Variants in CHLSN observed in about 807,000 individuals in gnomAD.
CHLSN encodes the protein cholesin, also known as protein cholesin.
the CHLSN span, among the ~76,000 whole-genome samples, chr7:1,053,156 T>TGGG: frequency 2.2e-4 from 33 of 152,278 alleles, 1 homozygote; most frequent in East Asian, 4.5e-3. Context: ...AGGAAGTCTC[T>TGGG]GGGCACAGAG....
chr7:1,082,046 CCACA>C, the CHLSN span: 27 of 152,418 alleles, frequency 1.8e-4, no homozygotes, highest in African/African-American at 6.3e-4. Context: ...GCACGCACTC[CCACA>C]CAAAGCGCCT....
the CHLSN span, chr7:1,028,301 G>C: frequency 1.1e-5 from 12 of 1,053,750 alleles, no homozygotes; most frequent in South Asian, 2.6e-4. Context: ...ACGGCGCCGG[G>C]GCAGGGATGC....
At chr7:1,038,225 C>A in the CHLSN span, among the ~76,000 whole-genome samples, 1 of 91,398 alleles carries the variant, frequency 1.1e-5, no homozygotes, top group Non-Finnish European at 2.5e-5. Flanking sequence ...GCCCCCCCGA[C>A]CGGCCAGCCG....
At chr7:983,204 A>C in the CHLSN span, 1 of 1,490,168 alleles carries the variant, frequency 6.7e-7, no homozygotes, top group Non-Finnish European at 9.0e-7. Flanking sequence ...CTCACCAGCC[A>C]CGTCCTCATG....
At chr7:1,053,183 G>A in the CHLSN span, among the ~76,000 whole-genome samples, 207 of 152,354 alleles carry the variant, frequency 1.4e-3, no homozygotes, top group Non-Finnish European at 2.7e-3. Context: ...GGGAGACCAC[G>A]GACAGGCAAG....
chr7:986,125 G>A, the CHLSN span, among the ~76,000 whole-genome samples: 21 of 152,128 alleles, frequency 1.4e-4, no homozygotes, highest in Admixed American at 2.6e-4. Context: ...CCACAGAGAC[G>A]CCGCGTGGAA....
At chr7:1,040,872 C>T in the CHLSN span, among the ~76,000 whole-genome samples, 8 of 152,232 alleles carry the variant, frequency 5.3e-5, no homozygotes, top group East Asian at 1.9e-4. Context: ...AGGCGCAGCT[C>T]GGAGCAGGGC....
At chr7:1,009,646 C>T in the CHLSN span, among the ~76,000 whole-genome samples, 6 of 152,320 alleles carry the variant, frequency 3.9e-5, no homozygotes, top group Middle Eastern at 3.4e-3. Context: ...CACCCAGGCC[C>T]GTGGATTCTT....
the CHLSN span, among the ~76,000 whole-genome samples, chr7:1,036,255 C>G: frequency 1.3e-5 from 2 of 152,170 alleles, no homozygotes; most frequent in African/African-American, 4.8e-5. Flanking sequence ...CCATAAGCTG[C>G]GGACTTCGGG....
the CHLSN span, chr7:1,028,806 C>T: frequency 1.2e-6 from 1 of 855,372 alleles, no homozygotes. Context: ...CTCCCCCAAT[C>T]TGACTCCATG....
the CHLSN span, among the ~76,000 whole-genome samples, chr7:1,001,272 G>C: frequency 6.6e-6 from 1 of 152,226 alleles, no homozygotes; most frequent in Admixed American, 6.5e-5. Context: ...CACGGGGGAG[G>C]GCCCTGTGCC....
chr7:1,090,560 C>T, the CHLSN span, among the ~76,000 whole-genome samples: 3 of 151,124 alleles, frequency 2.0e-5, no homozygotes, highest in Non-Finnish European at 2.9e-5. Context: ...GCGGCAGAGC[C>T]GGGGTGACAC....
At chr7:1,134,153 G>A in the CHLSN span, among the ~76,000 whole-genome samples, 1 of 152,070 alleles carries the variant, frequency 6.6e-6, no homozygotes, top group Non-Finnish European at 1.5e-5. Context: ...CGTGCCTGTA[G>A]TCCCAGCTAC....
chr7:1,057,153 A>G, the CHLSN span, among the ~76,000 whole-genome samples: 3 of 151,972 alleles, frequency 2.0e-5, no homozygotes, highest in African/African-American at 7.3e-5. Flanking sequence ...TTCGGGAATC[A>G]CTGTGCGGGG....
At chr7:1,092,743 A>G in the CHLSN span, 2 of 1,613,522 alleles carry the variant, frequency 1.2e-6, no homozygotes, top group South Asian at 1.1e-5. Flanking sequence ...GAGGCTGTAC[A>G]TTGAGCAGAA....
the CHLSN span, among the ~76,000 whole-genome samples, chr7:1,125,736 C>T: frequency 4.6e-5 from 7 of 152,364 alleles, no homozygotes; most frequent in Admixed American, 2.6e-4. Context: ...AATGACAGCG[C>T]GGATCCACAG....
chr7:1,041,130 A>C, the CHLSN span, among the ~76,000 whole-genome samples: 34 of 136,454 alleles, frequency 2.5e-4, no homozygotes. Context: ...GAATGGAGAG[A>C]CTGCAGGAGG....
the CHLSN span, among the ~76,000 whole-genome samples, chr7:1,115,183 G>A: frequency 6.6e-6 from 1 of 152,172 alleles, no homozygotes; most frequent in Non-Finnish European, 1.5e-5. Flanking sequence ...ATAAATCTTT[G>A]CTGTTTTTTA....
At chr7:1,053,398 C>A in the CHLSN span, among the ~76,000 whole-genome samples, 1 of 152,240 alleles carries the variant, frequency 6.6e-6, no homozygotes, top group Non-Finnish European at 1.5e-5. Flanking sequence ...TGACAGGGAG[C>A]TGGGTTGGCT....
Sources: allele counts gnomAD v4.1 joint callset (sites outside exome capture counted in the v4.1 genomes callset), GRCh38; gene constraint gnomAD v4.1.1; transcripts MANE v1.5; gene names NCBI Gene and HGNC (gene_info 2026-07-23, HGNC 2026-07-21).